Variants in ABTB2 observed in about 807,000 individuals in gnomAD.
ABTB2 encodes ankyrin repeat and BTB/POZ domain-containing protein 2.
A neutral mutation model predicts 104.1 loss-of-function variants in ABTB2; 56 were observed. The observed-to-expected ratio is 0.54, with a 90% CI of 0.43 to 0.67. The LOEUF is 0.67. ABTB2 is among the 30% of genes least tolerant of loss of function. The pLI is 0.00. For missense variants in ABTB2, 1,279 were observed against 1,407.7 expected (o/e 0.91, Z 1.46); for synonymous variants, 606 against 608.2 (o/e 1.00, Z 0.05).
chr11:34,326,185 A>C (rs971703090), intron 1 of ABTB2, among the ~76,000 whole-genome samples: 4 of 152,130 alleles, frequency 2.6e-5, no homozygotes, highest in African/African-American at 9.7e-5. Context: ...CTTTCTATAC[A>C]TTCCACTTAA....
intron 1 of ABTB2, among the ~76,000 whole-genome samples, chr11:34,274,158 CAAAAAAAAAAAAAAAAA>C (rs763755237): frequency 1.6e-4 from 8 of 50,738 alleles, no homozygotes; most frequent in South Asian, 9.0e-4. Flanking sequence ...GACTCCGTCT[CAAAAAAAAAAAAAAAAA>C]AAAAAAAAAA....
intron 1 of ABTB2, among the ~76,000 whole-genome samples, chr11:34,332,683 G>T (rs1290512131): frequency 6.6e-6 from 1 of 152,064 alleles, no homozygotes; most frequent in Non-Finnish European, 1.5e-5. Context: ...AGCCTAGCCC[G>T]CTGTCCAGCA....
chr11:34,167,543 G>C (rs1852818233), intron 6 of ABTB2, among the ~76,000 whole-genome samples, 183 bp from the exon 7 acceptor site: 2 of 152,178 alleles, frequency 1.3e-5, no homozygotes, highest in Non-Finnish European at 2.9e-5. Flanking sequence ...GTCTGCCCTG[G>C]GCAAAAGAGG....
chr11:34,341,844 C>T (rs947223454), intron 1 of ABTB2, among the ~76,000 whole-genome samples: 15 of 152,154 alleles, frequency 9.9e-5, no homozygotes, highest in African/African-American at 2.9e-4. Context: ...GATCTTGGAA[C>T]GTTTTCAGCT....
In ABTB2 at chr11:34,274,251, G is replaced by A. The variant is rs563492043; in HGVS notation, c.884-69561C>T. On this transcript the variant is annotated intron_variant, in intron 1 of 16. Coordinates refer to ENST00000435224, the MANE Select transcript of ABTB2 (RefSeq NM_145804.3). ...ACTTACTTTGCGTGGAAGTGCACTC[G>A]AGTCTTAGACTAATTCATGATGTGG... 1.6e-4 allele frequency among the ~76,000 whole-genome samples: 24 copies of A among 149,908 alleles called. 1 individual carries two copies. Among genetic ancestry groups the A allele is most frequent in the African/African-American group, 5.2e-4 (21 of 40,752 alleles).
At chr11:34,324,149 G>A (rs1267467) in intron 1 of ABTB2, among the ~76,000 whole-genome samples, 26,417 of 151,898 alleles carry the variant, frequency 0.17, 2,802 homozygotes, top group South Asian at 0.23. Flanking sequence ...GACCTCAAGT[G>A]ATCTGCCTGC....
intron 3 of ABTB2, among the ~76,000 whole-genome samples, chr11:34,179,620 C>G (rs1339730802): frequency 1.3e-5 from 2 of 152,228 alleles, no homozygotes; most frequent in Admixed American, 6.5e-5. Flanking sequence ...TTTTATACAA[C>G]TGAACTTGCT....
At chr11:34,240,536 T>G (rs926408324) in intron 1 of ABTB2, among the ~76,000 whole-genome samples, 1 of 152,220 alleles carries the variant, frequency 6.6e-6, no homozygotes, top group African/African-American at 2.4e-5. Flanking sequence ...TCACCTCCAG[T>G]GCCCAGTTCT....
At chr11:34,237,276 CTT>C (rs561473313) in intron 1 of ABTB2, among the ~76,000 whole-genome samples, 142 of 116,222 alleles carry the variant, frequency 1.2e-3, no homozygotes, top group African/African-American at 4.0e-3. Flanking sequence ...CCTGGATATT[CTT>C]TTTTTTTTTT....
intron 14 of ABTB2, among the ~76,000 whole-genome samples, chr11:34,158,195 A>T (rs1436238538): frequency 6.6e-6 from 1 of 152,218 alleles, no homozygotes; most frequent in East Asian, 1.9e-4. Context: ...CGGGTGGATC[A>T]CAAGGTTAGA....
At chr11:34,174,737 G>A (rs1001795080) in intron 3 of ABTB2, among the ~76,000 whole-genome samples, 5 of 152,258 alleles carry the variant, frequency 3.3e-5, no homozygotes, top group African/African-American at 9.6e-5. Flanking sequence ...TCATGACTTC[G>A]TGGGACACCC....
At chr11:34,242,220 T>G (rs939726790) in intron 1 of ABTB2, among the ~76,000 whole-genome samples, 8 of 152,312 alleles carry the variant, frequency 5.3e-5, no homozygotes, top group Middle Eastern at 3.4e-3. Flanking sequence ...GAAGTGCCTC[T>G]GGGTCACCCC....
At chr11:34,267,284 A>G (rs1309291783) in intron 1 of ABTB2, among the ~76,000 whole-genome samples, 1 of 152,134 alleles carries the variant, frequency 6.6e-6, no homozygotes, top group Non-Finnish European at 1.5e-5. Flanking sequence ...CTGGGTCACC[A>G]CGGCAGACAG....
chr11:34,297,180 C>T (rs182623242), intron 1 of ABTB2, among the ~76,000 whole-genome samples: 9 of 152,266 alleles, frequency 5.9e-5, no homozygotes, highest in East Asian at 5.8e-4. Context: ...GCCTGGTACC[C>T]GGCACACAGT....
intron 1 of ABTB2, among the ~76,000 whole-genome samples, chr11:34,291,741 C>T (rs2133093169): frequency 6.6e-6 from 1 of 152,310 alleles, no homozygotes; most frequent in South Asian, 2.1e-4. Context: ...AGTGATCCAC[C>T]CACCTCAGCC....
chr11:34,315,167 T>C (rs891442747), intron 1 of ABTB2, among the ~76,000 whole-genome samples: 40 of 152,358 alleles, frequency 2.6e-4, no homozygotes, highest in African/African-American at 9.6e-4. Flanking sequence ...AGACACTGTC[T>C]GTGGAAACAA....
chr11:34,336,126 T>C, intron 1 of ABTB2: 1 of 263,086 alleles, frequency 3.8e-6, no homozygotes, highest in Non-Finnish European at 7.3e-6. Flanking sequence ...TTTTAATTTC[T>C]CTACATTGTA....
At chr11:34,286,454 A>G (rs957814544) in intron 1 of ABTB2, among the ~76,000 whole-genome samples, 5 of 151,528 alleles carry the variant, frequency 3.3e-5, no homozygotes, top group Admixed American at 6.6e-5. Context: ...CACCACACCC[A>G]GCTAATGTTT....
At chr11:34,218,482 G>GT (rs1853573810) in intron 1 of ABTB2, among the ~76,000 whole-genome samples, 1 of 152,170 alleles carries the variant, frequency 6.6e-6, no homozygotes. Context: ...TGGGAAGGGT[G>GT]TAAGGTCTGT....
Sources: allele counts gnomAD v4.1 joint callset (sites outside exome capture counted in the v4.1 genomes callset), GRCh38; gene constraint gnomAD v4.1.1; transcripts MANE v1.5; gene names NCBI Gene and HGNC (gene_info 2026-07-23, HGNC 2026-07-21).